Variants in LMOD1 observed in about 807,000 individuals in gnomAD.
The protein encoded by LMOD1 is leiomodin-1.
A neutral mutation model predicts 36.5 loss-of-function variants in LMOD1; 8 were observed. The observed-to-expected ratio is 0.22, with a 90% CI of 0.13 to 0.40. The LOEUF (loss-of-function observed/expected upper bound fraction) is 0.40. Ranked by LOEUF, LMOD1 falls within the 10% of genes least tolerant of loss-of-function variation. LMOD1 has a pLI of 1.00. For synonymous variants in LMOD1, 284 were observed against 288.7 expected (o/e 0.98, Z 0.17); for missense variants, 630 against 751.1 (o/e 0.84, Z 1.88).
At chr1:201,940,441 T>C (rs1682094939) in intron 1 of LMOD1, among the ~76,000 whole-genome samples, 1 of 151,948 alleles carries the variant, frequency 6.6e-6, no homozygotes, top group African/African-American at 2.4e-5. Context: ...CGCCTCGGCC[T>C]CCCCAAGCAC....
intron 1 of LMOD1, among the ~76,000 whole-genome samples, chr1:201,936,096 CA>C (rs61077548): frequency 0.035 from 2,559 of 72,960 alleles, 52 homozygotes; most frequent in African/African-American, 0.11. Context: ...GACCTTGTCT[CA>C]AAAAAAAAAA....
In LMOD1 at chr1:201,898,261, G is replaced by A; in HGVS notation, c.*111C>T. ...GCCTGGACTCTCCCATGGCAGAATA[G>A]GGACATCCACAGCAGGTCAGCCAGG... On this transcript the variant is annotated 3_prime_UTR_variant, in exon 3 of 3. Coordinates refer to ENST00000367288, the MANE Select transcript of LMOD1 (RefSeq NM_012134.3). 9.3e-7 allele frequency: 1 copy of A among 1,079,534 alleles called. No individual in the cohort carries two copies. Among genetic ancestry groups the A allele is most frequent in the Middle Eastern group, 2.0e-4 (1 of 4,968 alleles). 66.9% of individuals were successfully genotyped at this position (1,079,534 alleles called of 1,614,324 possible).
At chr1:201,936,096 C>CAAAAAAAA (rs61077548) in intron 1 of LMOD1, among the ~76,000 whole-genome samples, 2 of 73,096 alleles carry the variant, frequency 2.7e-5, no homozygotes, top group Admixed American at 1.3e-4. Context: ...GACCTTGTCT[C>CAAAAAAAA]AAAAAAAAAA....
chr1:201,907,013 A>T (rs918230501), intron 1 of LMOD1, among the ~76,000 whole-genome samples: 2 of 152,224 alleles, frequency 1.3e-5, no homozygotes, highest in Non-Finnish European at 2.9e-5. Context: ...GGAGTCCTCT[A>T]CTGAGGCTAG....
chr1:201,920,926 A>G (rs1013287711), intron 1 of LMOD1, among the ~76,000 whole-genome samples: 3 of 152,176 alleles, frequency 2.0e-5, no homozygotes, highest in Non-Finnish European at 2.9e-5. Flanking sequence ...AAAGGAAATG[A>G]TGAGATCTTG....
intron 1 of LMOD1, among the ~76,000 whole-genome samples, chr1:201,906,839 G>A (rs568324634): frequency 6.6e-6 from 1 of 151,482 alleles, no homozygotes; most frequent in South Asian, 2.1e-4. Context: ...GGACTAGCCT[G>A]GGCAACATAG....
Position 201,900,455 on chromosome 1 carries a change from C to T in LMOD1, c.558G>A (p.Lys186=), listed in dbSNP as rs768677825. ...CACTCCCTTTCTTCTCCTCTTCCTT[C>T]TTGGTGGCCACTGCCCTCTCCTCTC... ...GRGEERAVAT[K]KEEEKKGSDR... is the part of the protein sequence containing the mutation. The change falls in exon 2 of 3, where the codon AAG becomes AAA. Residue 186 remains lysine (K), a synonymous_variant. Transcript: ENST00000367288. 6.2e-7 allele frequency: 1 copy of T among 1,607,424 alleles called. No individual in the cohort carries two copies. The highest frequency in any genetic ancestry group is 1.1e-5 in the South Asian group (1 of 90,084).
chr1:201,938,159 C>G (rs1033982671), intron 1 of LMOD1, among the ~76,000 whole-genome samples: 2 of 138,928 alleles, frequency 1.4e-5, no homozygotes, highest in Non-Finnish European at 3.1e-5. Context: ...GATGGAGTTT[C>G]GCTCTTGTTG....
chr1:201,944,469 C>T (rs958058317), intron 1 of LMOD1, among the ~76,000 whole-genome samples: 7 of 152,150 alleles, frequency 4.6e-5, no homozygotes, highest in Admixed American at 1.3e-4. Context: ...GCAGAGTCAA[C>T]GATTTCCAAG....
chr1:201,900,212 G>T lies in LMOD1; in HGVS notation c.801C>A (p.Asp267Glu). 6.2e-7 allele frequency: 1 copy of T among 1,613,720 alleles called. No individual in the cohort carries two copies. The highest frequency in any genetic ancestry group is 8.5e-7 in the Non-Finnish European group (1 of 1,179,840). Residue 267 changes from aspartate to glutamate, a missense_variant, in exon 2 of 3, where the codon GAC becomes GAA. Around this residue, in one of 3 missense-constraint regions of LMOD1, gnomAD observed 405 missense variants for 400.6 expected, o/e 1.01. Transcript: ENST00000367288. Reference protein sequence around the residue: ...RGTGNTDTKKDDEKVKKNEPL... With the variant: ...RGTGNTDTKKEDEKVKKNEPL... ...GTTCATTCTTCTTGACTTTTTCATC[G>T]TCCTTTTTGGTGTCTGTGTTCCCAG...
At chr1:201,933,380 C>G (rs1681958690) in intron 1 of LMOD1, among the ~76,000 whole-genome samples, 1 of 150,422 alleles carries the variant, frequency 6.6e-6, no homozygotes, top group Non-Finnish European at 1.5e-5. Flanking sequence ...CGTCATTGCA[C>G]TCCAGCCTGG....
At chr1:201,942,802 G>T (rs1682142748) in intron 1 of LMOD1, among the ~76,000 whole-genome samples, 1 of 151,638 alleles carries the variant, frequency 6.6e-6, no homozygotes, top group Non-Finnish European at 1.5e-5. Flanking sequence ...GGCCAATCTT[G>T]TTTCATCTAT....
At chr1:201,928,941 C>T (rs997952834) in intron 1 of LMOD1, among the ~76,000 whole-genome samples, 1 of 152,036 alleles carries the variant, frequency 6.6e-6, no homozygotes, top group Non-Finnish European at 1.5e-5. Flanking sequence ...TTGTCTTGAA[C>T]TCCTGACCTC....
chr1:201,917,030 C>T (rs780235309), intron 1 of LMOD1, among the ~76,000 whole-genome samples: 23 of 152,232 alleles, frequency 1.5e-4, no homozygotes, highest in Admixed American at 6.5e-4. Context: ...GAGGAGTGAA[C>T]GCCACCATCT....
rs1229201905 is a variant in LMOD1, at chr1:201,897,832, C to G, written c.*540G>C. 6.5e-6 allele frequency: 1 copy of G among 154,156 alleles called. No individual in the cohort carries two copies. The highest frequency in any genetic ancestry group is 1.4e-5 in the Non-Finnish European group (1 of 69,062). The allele number at this position is 154,156 out of a possible 1,614,324, so 9.5% of individuals were successfully genotyped here. Reference sequence around the variant, plus strand: ...TGTGCATCCAGGCCACTGCCCCTGCCACATCCTCTAATTAGCCTGGACTTT... The same window carrying G: ...TGTGCATCCAGGCCACTGCCCCTGCGACATCCTCTAATTAGCCTGGACTTT... On this transcript the variant is annotated 3_prime_UTR_variant, in exon 3 of 3. Transcript: ENST00000367288.
chr1:201,923,910 A>AGG lies in LMOD1; in HGVS notation c.261+22169_261+22170insCC, dbSNP rs758817056. 1.9e-4 allele frequency among the ~76,000 whole-genome samples: 27 copies of AGG among 143,912 alleles called. No homozygotes were observed. In the South Asian group the frequency reaches 2.3e-3, roughly 12 times the overall value. The allele number at this position is 143,912 out of a possible 152,430, so 94.4% of individuals were successfully genotyped here. A position where few individuals can be genotyped will look rare whatever the true frequency, so the allele number is the denominator to read the frequency against. Reference sequence around the variant, plus strand: ...GAGAGAGAGAGAGAGAGAGGGAGGGAGAGAGAGAGAGAGAGAGAGAGAAAG... The same window carrying AGG: ...GAGAGAGAGAGAGAGAGAGGGAGGGAGGGAGAGAGAGAGAGAGAGAGAGAAAG... On this transcript the variant is annotated intron_variant, in intron 1 of 2. Coordinates refer to ENST00000367288, the MANE Select transcript of LMOD1 (RefSeq NM_012134.3).
intron 1 of LMOD1, among the ~76,000 whole-genome samples, chr1:201,931,668 C>T (rs1681925299): frequency 6.6e-6 from 1 of 151,988 alleles, no homozygotes; most frequent in African/African-American, 2.4e-5. Flanking sequence ...CATCTGATGG[C>T]TTCAAGTGTC....
At chr1:201,945,700 G>A (rs931338324) in intron 1 of LMOD1, among the ~76,000 whole-genome samples, 1 of 152,122 alleles carries the variant, frequency 6.6e-6, no homozygotes, top group African/African-American at 2.4e-5. Flanking sequence ...GAGACATAAA[G>A]TATCACTCTC....
intron 1 of LMOD1, among the ~76,000 whole-genome samples, chr1:201,928,785 G>A (rs944522765): frequency 2.6e-5 from 4 of 152,072 alleles, no homozygotes; most frequent in Non-Finnish European, 5.9e-5. Context: ...GCGTGATCTC[G>A]GCTCACTGCT....
Sources: gnomAD v4.1 joint callset for allele counts (sites outside exome capture counted in the v4.1 genomes callset) on GRCh38, gnomAD v4.1.1 for gene constraint, gnomAD v4.1.1 regional missense constraint, MANE v1.5 for transcripts, NCBI Gene and HGNC (gene_info 2026-07-23, HGNC 2026-07-21) for gene names.